The following RERE variants were observed in gnomAD, a reference collection of about 807,000 sequenced individuals.
RERE encodes arginine-glutamic acid dipeptide repeats protein.
RERE carries 40 observed loss-of-function variants against 146.1 expected under a neutral mutation model. The observed-to-expected ratio is 0.27, with a 90% CI of 0.21 to 0.36. RERE has a LOEUF of 0.36. Ranked by LOEUF, RERE falls within the 10% of genes least tolerant of loss-of-function variation. RERE has a pLI of 1.00. For synonymous variants in RERE, 1,003 were observed against 866.0 expected, an observed-to-expected ratio of 1.16 and a Z score of -2.78; for missense variants, 1,933 against 2,138.7, an observed-to-expected ratio of 0.90 and a Z score of 1.90.
chr1:8,477,163 C>T (rs776078188), intron 10 of RERE, among the ~76,000 whole-genome samples: 2 of 152,122 alleles, frequency 1.3e-5, no homozygotes, highest in Non-Finnish European at 2.9e-5. Flanking sequence ...ATGTCTACAG[C>T]CTGACTTCTT....
chr1:8,617,386 A>G (rs1646866982), intron 3 of RERE, among the ~76,000 whole-genome samples: 1 of 149,572 alleles, frequency 6.7e-6, no homozygotes, highest in Non-Finnish European at 1.5e-5. Flanking sequence ...TAACTCTTAA[A>G]GAATTAAACA....
chr1:8,440,125 T>C (rs1644226546), intron 11 of RERE, among the ~76,000 whole-genome samples: 2 of 152,200 alleles, frequency 1.3e-5, no homozygotes, highest in South Asian at 4.1e-4. Context: ...CCAGTAACAT[T>C]GTGCCCAACA....
chr1:8,734,731 T>G (rs1640158796), intron 1 of RERE, among the ~76,000 whole-genome samples: 1 of 152,242 alleles, frequency 6.6e-6, no homozygotes, highest in African/African-American at 2.4e-5. Flanking sequence ...CATCATCATC[T>G]GCCATTGCAT....
chr1:8,627,143 C>G (rs1646982752), intron 2 of RERE, among the ~76,000 whole-genome samples: 1 of 152,116 alleles, frequency 6.6e-6, no homozygotes, highest in African/African-American at 2.4e-5. Context: ...CCTCATGGCT[C>G]CTCTGTAACT....
intron 1 of RERE, among the ~76,000 whole-genome samples, chr1:8,662,448 A>G (rs4908771): frequency 0.84 from 127,260 of 152,230 alleles, 53,472 homozygotes; most frequent in East Asian, 0.94. Context: ...AACAAAGTGG[A>G]GAAATCATTT....
In RERE at chr1:8,760,211, G is replaced by C. The variant is rs180959005; in HGVS notation, c.-145+56949C>G. Among the ~76,000 whole-genome samples the C allele has an allele frequency of 3.9e-4, 60 of 152,298 alleles. No homozygotes were observed. The East Asian group carries it at 9.5e-3, about 24-fold the overall frequency. On this transcript the variant is annotated intron_variant, in intron 1 of 22. Transcript: ENST00000400908. ...CAGCTAATTTTTTGTATTTTCAGTA[G>C]AGACGGGGTTTCATCATGTTGGCCA... is the stretch of plus-strand genomic sequence containing the variant.
At chr1:8,369,531 AAAAAAAG>A (rs1641950200) in intron 12 of RERE, among the ~76,000 whole-genome samples, 1 of 149,298 alleles carries the variant, frequency 6.7e-6, no homozygotes. Context: ...AAAAAAAAAA[AAAAAAAG>A]AAGAAAAGAA....
chr1:8,482,694 A>G (rs1050496521), intron 10 of RERE, among the ~76,000 whole-genome samples: 5 of 147,834 alleles, frequency 3.4e-5, no homozygotes, highest in African/African-American at 1.3e-4. Flanking sequence ...AAAAAAAAAA[A>G]AAAAAAAAAA....
At position 8,447,112 on chromosome 1, in the gene RERE, G is replaced by A. The variant is rs192813346; in HGVS notation, c.1203+18813C>T. ...TTGATACTTGTGTATGCTTCACAAA[G>A]TTCTCCTGCTGTTTTTTTTTTCAGC... On this transcript the variant is annotated intron_variant, in intron 11 of 22. Coordinates refer to ENST00000400908, the MANE Select transcript of RERE (RefSeq NM_001042681.2). Among the ~76,000 whole-genome samples, 83 of 150,492 alleles carry A rather than the reference G, an allele frequency of 5.5e-4. 1 individual carries two copies. Among genetic ancestry groups the A allele is most frequent in the Middle Eastern group, 3.5e-3 (1 of 288 alleles).
rs112375285 is a variant in RERE at position 8,360,612 on chromosome 1, G to A, written c.2895C>T (p.Pro965=). The A allele has an allele frequency of 3.9e-3, 5,903 of 1,513,224 alleles. 210 individuals are homozygous for A. The African/African-American group carries it at 0.072, about 18-fold the overall frequency. 93.7% of individuals were successfully genotyped at this position (1,513,224 alleles called of 1,614,324 possible). A position where few individuals can be genotyped will look rare whatever the true frequency, so the allele number is the denominator to read the frequency against. ...SPFSMNANLP[P]PPALKPLSSL... is the part of the protein sequence containing the mutation. ...AGCTCAGGGGCTTCAGGGCTGGAGG[G>A]GGAGGCAGGTTGGCATTCATGGAGA... Residue 965 remains proline (P), a synonymous_variant, in exon 18 of 23, where the codon CCC becomes CCT. Coordinates refer to ENST00000400908, the MANE Select transcript of RERE (RefSeq NM_001042681.2).
chr1:8,543,102 C>A (rs1445321317), intron 6 of RERE, among the ~76,000 whole-genome samples: 2 of 152,138 alleles, frequency 1.3e-5, no homozygotes, highest in African/African-American at 4.8e-5. Context: ...GCAGAAAGTT[C>A]TATTAGAAGT....
chr1:8,447,714 T>C (rs1644339639), intron 11 of RERE, among the ~76,000 whole-genome samples: 2 of 152,208 alleles, frequency 1.3e-5, no homozygotes, highest in African/African-American at 2.4e-5. Flanking sequence ...TGAGGTTTCG[T>C]TTCAGCTCCA....
chr1:8,603,999 A>G (rs186928200), intron 4 of RERE, among the ~76,000 whole-genome samples: 4 of 152,154 alleles, frequency 2.6e-5, no homozygotes, highest in Non-Finnish European at 4.4e-5. Flanking sequence ...ACAAGATCAG[A>G]TCTACTTTTA....
chr1:8,522,165 C>T (rs1265841075), intron 7 of RERE, among the ~76,000 whole-genome samples: 1 of 152,114 alleles, frequency 6.6e-6, no homozygotes, highest in East Asian at 1.9e-4. Flanking sequence ...ACAGGCATGC[C>T]CCTATCAGAA....
intron 1 of RERE, among the ~76,000 whole-genome samples, chr1:8,727,161 G>A (rs1344878757): frequency 1.3e-5 from 2 of 151,246 alleles, no homozygotes; most frequent in South Asian, 2.1e-4. Context: ...CGGGGTGGGG[G>A]GAAAGGAGTC....
intron 4 of RERE, among the ~76,000 whole-genome samples, chr1:8,578,030 G>T (rs1646317553): frequency 6.6e-6 from 1 of 151,952 alleles, no homozygotes; most frequent in African/African-American, 2.4e-5. Context: ...GGCAGAGGTT[G>T]CAGTGAGCCG....
At chr1:8,401,065 A>G (rs868102795) in intron 12 of RERE, among the ~76,000 whole-genome samples, 5 of 105,726 alleles carry the variant, frequency 4.7e-5, no homozygotes, top group East Asian at 2.2e-4. Flanking sequence ...ATATATATAT[A>G]TATATATGTC....
At chr1:8,481,916 A>C (rs1232311762) in intron 10 of RERE, among the ~76,000 whole-genome samples, 1 of 152,218 alleles carries the variant, frequency 6.6e-6, no homozygotes, top group African/African-American at 2.4e-5. Context: ...TCCCTGGGTC[A>C]CCTTATGTTG....
chr1:8,577,759 T>C (rs151058352), intron 4 of RERE, among the ~76,000 whole-genome samples: 2 of 152,306 alleles, frequency 1.3e-5, no homozygotes, highest in African/African-American at 4.8e-5. Flanking sequence ...CTACATCTTA[T>C]TCATTGTGAG....
Sources: allele counts gnomAD v4.1 joint callset (sites outside exome capture counted in the v4.1 genomes callset), GRCh38; gene constraint gnomAD v4.1.1; transcripts MANE v1.5; gene names NCBI Gene and HGNC (gene_info 2026-07-23, HGNC 2026-07-21).